The following PTPN14 variants were observed in gnomAD, a reference collection of about 807,000 sequenced individuals.
The protein encoded by PTPN14 is protein tyrosine phosphatase non-receptor type 14.
PTPN14 carries 53 observed loss-of-function variants against 126.8 expected under a neutral mutation model. The observed-to-expected ratio is 0.42, with a 90% CI of 0.34 to 0.53. PTPN14 has a LOEUF of 0.53. PTPN14 is among the 20% of genes least tolerant of loss of function. The probability of loss-of-function intolerance (pLI) is 0.08; values close to 1 mark genes in which losing one functional copy is unlikely to be tolerated. For synonymous variants in PTPN14, 630 were observed against 599.3 expected (o/e 1.05, Z -0.75); for missense variants, 1,257 against 1,552.9 (o/e 0.81, Z 3.20).
At chr1:214,494,355 C>T (rs1443399293) in intron 1 of PTPN14, among the ~76,000 whole-genome samples, 3 of 152,144 alleles carry the variant, frequency 2.0e-5, no homozygotes, top group African/African-American at 4.8e-5. Context: ...AGCCACAGCA[C>T]CCGGCCCCTC....
chr1:214,371,786 G>A (rs1385763288), intron 16 of PTPN14, among the ~76,000 whole-genome samples: 1 of 152,170 alleles, frequency 6.6e-6, no homozygotes, highest in Non-Finnish European at 1.5e-5. Flanking sequence ...TGGCTTTAAA[G>A]AGCCTGATGT....
At chr1:214,545,140 A>G (rs1404420805) in intron 1 of PTPN14, among the ~76,000 whole-genome samples, 1 of 152,198 alleles carries the variant, frequency 6.6e-6, no homozygotes, top group Non-Finnish European at 1.5e-5. Flanking sequence ...ATTAAATAGT[A>G]CTCAAAAAAG....
At chr1:214,516,145 T>C (rs946325225) in intron 1 of PTPN14, among the ~76,000 whole-genome samples, 1 of 152,212 alleles carries the variant, frequency 6.6e-6, no homozygotes, top group Non-Finnish European at 1.5e-5. Context: ...AATTTCTCTG[T>C]ATTGGCACCT....
At chr1:214,460,852 T>G (rs1395739187) in intron 2 of PTPN14, among the ~76,000 whole-genome samples, 1 of 152,208 alleles carries the variant, frequency 6.6e-6, no homozygotes, top group East Asian at 1.9e-4. Flanking sequence ...GAACCAGGCC[T>G]GGATCCTTCT....
chr1:214,546,158 T>C (rs1655963672), intron 1 of PTPN14, among the ~76,000 whole-genome samples: 2 of 152,136 alleles, frequency 1.3e-5, no homozygotes, highest in South Asian at 4.2e-4. Context: ...CAAAATGCAG[T>C]TGGTCAGGAC....
At chr1:214,408,638 G>A (rs565805533) in intron 5 of PTPN14, among the ~76,000 whole-genome samples, 9 of 152,282 alleles carry the variant, frequency 5.9e-5, no homozygotes, top group African/African-American at 2.2e-4. Context: ...ACATACATAT[G>A]TACATACATA....
rs935411844 is a variant in PTPN14 at position 214,352,043 on chromosome 1, T to C, written c.*5879A>G. 2 of 152,328 alleles carry C rather than the reference T, an allele frequency of 1.3e-5. No individual in the cohort carries two copies. The highest frequency in any genetic ancestry group is 4.1e-4 in the South Asian group (2 of 4,826). 9.4% of individuals were successfully genotyped at this position (152,328 alleles called of 1,614,324 possible). ...GAGCAATGACTTTCCACACAAATGC[T>C]TGTCATATTCAGGCTGCCCAGTAGC... On this transcript the variant is annotated 3_prime_UTR_variant, in exon 19 of 19. Transcript: ENST00000366956.
intron 1 of PTPN14, chr1:214,532,351 G>T (rs985015985): frequency 8.8e-6 from 5 of 566,442 alleles, no homozygotes; most frequent in Admixed American, 5.0e-5. Context: ...TTCTGGGATG[G>T]CTTGGGGTCC....
Position 214,386,919 on chromosome 1 carries a change from T to C in PTPN14, c.991A>G (p.Arg331Gly). The C allele has an allele frequency of 6.2e-7, 1 of 1,601,238 alleles. No individual in the cohort carries two copies. The highest frequency in any genetic ancestry group is 1.3e-5 in the African/African-American group (1 of 74,682). ...QPTWSRSSLPRQQPYILPPVH... is the reference protein window; with the variant it reads ...QPTWSRSSLPGQQPYILPPVH... ...GGAGGCAGGATGTACGGCTGCTGCC[T>C]GGGCTGAAACAGAGAACACAGAGGA... is the stretch of plus-strand genomic sequence containing the variant. Residue 331 changes from arginine (R) to glycine (G), a missense_variant, in exon 12 of 19, where the codon AGG becomes GGG. This residue lies in a region of PTPN14 where 1,021 missense variants were observed against 1,183.3 expected (regional missense o/e 0.86). Transcript: ENST00000366956.
At chr1:214,533,179 A>G in intron 1 of PTPN14, 1 of 750,672 alleles carries the variant, frequency 1.3e-6, no homozygotes, top group Non-Finnish European at 2.3e-6. Flanking sequence ...CACCCTGCAG[A>G]TGGAGCAGCT....
In PTPN14 at chr1:214,511,718, C is replaced by T. The variant is rs1015673376; in HGVS notation, c.-155+39465G>A. Among the ~76,000 whole-genome samples the T allele has an allele frequency of 3.3e-5, 5 of 152,164 alleles. No homozygotes were observed. In the South Asian group the frequency reaches 8.3e-4, roughly 25 times the overall value. ...ACAGAGTCTTGAAGAGATATTTGCACACCCATGTCACAGCAGCATTATTCA... is the reference window on the plus strand; with the variant it reads ...ACAGAGTCTTGAAGAGATATTTGCATACCCATGTCACAGCAGCATTATTCA... On this transcript the variant is annotated intron_variant, in intron 1 of 18. Coordinates refer to ENST00000366956, the MANE Select transcript of PTPN14 (RefSeq NM_005401.5).
In PTPN14 at chr1:214,353,439, G is replaced by C. The variant is rs1657745736; in HGVS notation, c.*4483C>G. ...CCCAAATATTTTTCAATCTGTACTTGGTTGAATATAGGGATGTGGAACCCA... is the reference window on the plus strand; with the variant it reads ...CCCAAATATTTTTCAATCTGTACTTCGTTGAATATAGGGATGTGGAACCCA... On this transcript the variant is annotated 3_prime_UTR_variant, in exon 19 of 19. Transcript: ENST00000366956. The C allele has an allele frequency of 6.6e-6, 1 of 152,114 alleles. No homozygotes were observed. Among genetic ancestry groups the C allele is most frequent in the African/African-American group, 2.4e-5 (1 of 41,398 alleles). The allele number at this position is 152,114 out of a possible 1,614,324, so 9.4% of individuals were successfully genotyped here. A position where few individuals can be genotyped will look rare whatever the true frequency, so the allele number is the denominator to read the frequency against.
intron 12 of PTPN14, among the ~76,000 whole-genome samples, chr1:214,385,677 A>G (rs1571965282): frequency 6.6e-6 from 1 of 152,210 alleles, no homozygotes; most frequent in Non-Finnish European, 1.5e-5. Flanking sequence ...TTTAAACATG[A>G]GCAAAACAGA....
intron 5 of PTPN14, among the ~76,000 whole-genome samples, chr1:214,408,630 A>C (rs1659225271): frequency 6.6e-6 from 1 of 152,254 alleles, no homozygotes; most frequent in Non-Finnish European, 1.5e-5. Context: ...TAATAAATAC[A>C]TACATATGTA....
intron 5 of PTPN14, among the ~76,000 whole-genome samples, chr1:214,406,810 A>G (rs1659182413): frequency 1.3e-5 from 2 of 152,086 alleles, no homozygotes; most frequent in Non-Finnish European, 2.9e-5. Flanking sequence ...CCATTTACAA[A>G]CTCATAAATA....
intron 3 of PTPN14, among the ~76,000 whole-genome samples, chr1:214,421,726 T>C (rs1302014521): frequency 6.6e-6 from 1 of 152,042 alleles, no homozygotes; most frequent in Admixed American, 6.6e-5. Flanking sequence ...ACACACCCCA[T>C]ACCTGAGCTG....
At chr1:214,538,594 A>G (rs1037975310) in intron 1 of PTPN14, among the ~76,000 whole-genome samples, 3 of 152,170 alleles carry the variant, frequency 2.0e-5, no homozygotes, top group African/African-American at 7.2e-5. Context: ...TATATTCACA[A>G]TGCCTGTTAC....
chr1:214,456,302 T>C (rs951180638), intron 2 of PTPN14, among the ~76,000 whole-genome samples: 1 of 152,204 alleles, frequency 6.6e-6, no homozygotes, highest in African/African-American at 2.4e-5. Flanking sequence ...AGAAATGGTG[T>C]GCTTCCACAT....
At chr1:214,381,688 C>T (rs969786131) in intron 13 of PTPN14, among the ~76,000 whole-genome samples, 1 of 152,190 alleles carries the variant, frequency 6.6e-6, no homozygotes, top group African/African-American at 2.4e-5. Flanking sequence ...GGTTGAATCC[C>T]AGTGATGGGT....
Sources: allele counts gnomAD v4.1 joint callset (sites outside exome capture counted in the v4.1 genomes callset), GRCh38; gene constraint gnomAD v4.1.1; regional missense constraint gnomAD v4.1.1; transcripts MANE v1.5; gene names NCBI Gene and HGNC (gene_info 2026-07-23, HGNC 2026-07-21).